The following KIAA1755 variants were observed in gnomAD, a reference collection of about 807,000 sequenced individuals.
KIAA1755 encodes KIAA1755, also known as uncharacterized protein KIAA1755.
A neutral mutation model predicts 91.7 loss-of-function variants in KIAA1755; 68 were observed. The observed-to-expected ratio is 0.74, with a 90% CI of 0.61 to 0.91. KIAA1755 has a LOEUF of 0.91. Among genes scored for constraint, KIAA1755 ranks in the 40% least tolerant of loss-of-function variants. The pLI is 0.00. For synonymous variants in KIAA1755, 610 were observed against 604.6 expected, an observed-to-expected ratio of 1.01 and a Z score of -0.13; for missense variants, 1,535 against 1,494.4, an observed-to-expected ratio of 1.03 and a Z score of -0.45.
At chr20:38,252,267 C>A (rs913987516) in intron 1 of KIAA1755, among the ~76,000 whole-genome samples, 6 of 152,182 alleles carry the variant, frequency 3.9e-5, no homozygotes, top group African/African-American at 1.4e-4. Context: ...TTTCACTCAT[C>A]CTGTCAGCCC....
At chr20:38,227,495 A>G (rs1263420746) in intron 6 of KIAA1755, among the ~76,000 whole-genome samples, 1 of 152,252 alleles carries the variant, frequency 6.6e-6, no homozygotes, top group Non-Finnish European at 1.5e-5. Context: ...CAGTTTGCCC[A>G]TCTACAAAGC....
intron 2 of KIAA1755, among the ~76,000 whole-genome samples, chr20:38,242,965 G>T: frequency 6.6e-6 from 1 of 152,116 alleles, no homozygotes; most frequent in African/African-American, 2.4e-5. Context: ...GGGTACAGAG[G>T]GTCATTCTGG....
At position 38,228,234 on chromosome 20, in the gene KIAA1755, T is replaced by A. The variant is rs2075796032; in HGVS notation, c.1878A>T (p.Glu626Asp). Residue 626 changes from glutamate to aspartate, a missense_variant, in exon 6 of 14, where the codon GAA becomes GAT. Glu to Asp is a conservative substitution (Grantham distance 45, BLOSUM62 2). Coordinates refer to ENST00000279024, the MANE Select transcript of KIAA1755 (RefSeq NM_001029864.2). Reference protein sequence around the residue: ...LSYLCTIPRPEDKAKGLAVLI... With the variant: ...LSYLCTIPRPDDKAKGLAVLI... ...GGACCGCCAGCCCCTTGGCTTTATC[T>A]TCAGGCCTGTGGGTGGTAAACAGAA... The A allele has an allele frequency of 6.3e-7, 1 of 1,597,852 alleles. No homozygotes were observed. The highest frequency in any genetic ancestry group is 1.3e-5 in the African/African-American group (1 of 74,506).
At chr20:38,242,019 G>A in intron 2 of KIAA1755, 90 bp from the exon 3 acceptor site, 2 of 1,353,812 alleles carry the variant, frequency 1.5e-6, no homozygotes, top group South Asian at 1.3e-5. Context: ...CGTGGAATCT[G>A]GAACAGGTCA....
intron 2 of KIAA1755, among the ~76,000 whole-genome samples, chr20:38,245,024 C>T (rs2076131638): frequency 6.6e-6 from 1 of 152,168 alleles, no homozygotes; most frequent in South Asian, 2.1e-4. Flanking sequence ...CCACTGCCGG[C>T]CTTCTCATCC....
At chr20:38,256,906 A>C (rs948542871) in intron 1 of KIAA1755, among the ~76,000 whole-genome samples, 4 of 152,182 alleles carry the variant, frequency 2.6e-5, no homozygotes, top group Admixed American at 2.0e-4. Context: ...AAAATTGTTC[A>C]TCTAAGTGCC....
At chr20:38,250,502 G>GTGTGTC (rs199619369) in intron 1 of KIAA1755, among the ~76,000 whole-genome samples, 16,980 of 140,914 alleles carry the variant, frequency 0.12, 1,153 homozygotes, top group Non-Finnish European at 0.16. Context: ...GTGTGTGTGT[G>GTGTGTC]TGTGTGTGTC....
At chr20:38,260,439 G>A (rs2076428391) in intron 1 of KIAA1755, 59 bp downstream of exon 1, 8 of 1,554,778 alleles carry the variant, frequency 5.1e-6, no homozygotes, top group Non-Finnish European at 6.9e-6. Flanking sequence ...CAGGGAATGG[G>A]GAGGGCTGTG....
chr20:38,214,814 T>C (rs2075516788), intron 13 of KIAA1755, among the ~76,000 whole-genome samples: 1 of 152,240 alleles, frequency 6.6e-6, no homozygotes, highest in Admixed American at 6.5e-5. Context: ...CAGCCGCTCG[T>C]GAAAAACATA....
chr20:38,214,072 C>T (rs1188321001), intron 13 of KIAA1755, among the ~76,000 whole-genome samples: 1 of 152,006 alleles, frequency 6.6e-6, no homozygotes, highest in African/African-American at 2.4e-5. Flanking sequence ...CTGTCTCAGC[C>T]TCCCGAGTAG....
At position 38,232,006 on chromosome 20, in the gene KIAA1755, C is replaced by G. The variant is rs574115431; in HGVS notation, c.1748-681G>C. On this transcript the variant is annotated intron_variant, in intron 4 of 13. Coordinates refer to ENST00000279024, the MANE Select transcript of KIAA1755 (RefSeq NM_001029864.2). The stretch of plus-strand genomic sequence containing the variant: ...CACAGGAGTCATGAGGCTGAGGCTC[C>G]GGGAGCCAGTACAGCCCATCCTCAT... Among the ~76,000 whole-genome samples the G allele has an allele frequency of 9.7e-4, 148 of 152,218 alleles. 1 individual carries two copies. The highest frequency in any genetic ancestry group is 1.8e-3 in the Non-Finnish European group (122 of 68,014).
At chr20:38,217,795 C>T in intron 12 of KIAA1755, 1 of 494,420 alleles carries the variant, frequency 2.0e-6, no homozygotes, top group Non-Finnish European at 3.6e-6. Context: ...GCTCTGAGTC[C>T]CCACATTCTC....
At position 38,247,191 on chromosome 20, in the gene KIAA1755, C is replaced by G. The variant is rs547639494; in HGVS notation, c.4-1065G>C. 5.9e-5 allele frequency among the ~76,000 whole-genome samples: 9 copies of G among 152,308 alleles called. No homozygotes were observed. The South Asian group carries it at 1.9e-3, about 32-fold the overall frequency. On this transcript the variant is annotated intron_variant, in intron 1 of 13. Coordinates refer to ENST00000279024, the MANE Select transcript of KIAA1755 (RefSeq NM_001029864.2). ...GACCTTTCTCAAATGCAAACCAGAC[C>G]TCATCAGTCTCTGCTCCAAACTCCT...
rs937223363 is a variant in KIAA1755, at chr20:38,225,548, T to G, written c.2169+117A>C. On this transcript the variant is annotated intron_variant, in intron 8 of 13. Coordinates refer to ENST00000279024, the MANE Select transcript of KIAA1755 (RefSeq NM_001029864.2). ...ACTCTGTACCTTCACTGTAAACATT[T>G]GTTGAGTGACCGTTTATTTTTTAGC... 19 of 784,864 alleles carry G rather than the reference T, an allele frequency of 2.4e-5. No individual in the cohort carries two copies. The East Asian group carries it at 4.7e-4, about 19-fold the overall frequency. The allele number at this position is 784,864 out of a possible 1,614,324, so 48.6% of individuals were successfully genotyped here. A position where few individuals can be genotyped will look rare whatever the true frequency, so the allele number is the denominator to read the frequency against.
chr20:38,215,872 T>C (rs750065346), intron 13 of KIAA1755, among the ~76,000 whole-genome samples: 3 of 152,214 alleles, frequency 2.0e-5, no homozygotes, highest in Non-Finnish European at 4.4e-5. Flanking sequence ...AACAAAGCCC[T>C]GTGCCAGGGG....
rs2076070839 is a variant in KIAA1755, at chr20:38,241,712, G to C, written c.419C>G (p.Ala140Gly). The C allele has an allele frequency of 6.2e-7, 1 of 1,614,122 alleles. No individual in the cohort carries two copies. The highest frequency in any genetic ancestry group is 1.3e-5 in the African/African-American group (1 of 74,940). The change falls in exon 3 of 14, where the codon GCC (alanine) becomes GGC (glycine). Residue 140 changes from alanine (A) to glycine (G), a missense_variant. Coordinates refer to ENST00000279024, the MANE Select transcript of KIAA1755 (RefSeq NM_001029864.2). ...TTCTTGGGTGAAAAGTATAGGGTAG[G>C]CTGGCTCTGGAACAGGCTTCTTGTC... ...TVDKKPVPEP[A>G]YPILFTQEWL...
chr20:38,252,738 C>T (rs1270173194), intron 1 of KIAA1755, among the ~76,000 whole-genome samples: 1 of 152,192 alleles, frequency 6.6e-6, no homozygotes, highest in Non-Finnish European at 1.5e-5. Flanking sequence ...TGGTTTGCCA[C>T]ACACTGTTAC....
intron 10 of KIAA1755, among the ~76,000 whole-genome samples, chr20:38,220,389 A>T (rs1273030005): frequency 7.0e-6 from 1 of 143,832 alleles, no homozygotes; most frequent in African/African-American, 2.6e-5. Context: ...ATCTCCATTC[A>T]CTGCAACCTC....
rs555535834 is a variant in KIAA1755 at position 38,257,986 on chromosome 20, G to A, written c.3+2512C>T. ...GCGATCTCGGCTCACTGCAACCTCC[G>A]CCTCCGGGGTTCAAGTGATTCTCCT... On this transcript the variant is annotated intron_variant, in intron 1 of 13. Coordinates refer to ENST00000279024, the MANE Select transcript of KIAA1755 (RefSeq NM_001029864.2). Among the ~76,000 whole-genome samples, 17 of 150,032 alleles carry A rather than the reference G, an allele frequency of 1.1e-4. No individual in the cohort carries two copies. In the South Asian group the frequency reaches 1.3e-3, roughly 11 times the overall value.
Sources: allele counts gnomAD v4.1 joint callset (sites outside exome capture counted in the v4.1 genomes callset), GRCh38; gene constraint gnomAD v4.1.1; transcripts MANE v1.5; gene names NCBI Gene and HGNC (gene_info 2026-07-23, HGNC 2026-07-21).